The following COL4A3 variants were observed in gnomAD, a reference collection of about 807,000 sequenced individuals.
COL4A3 encodes collagen type IV alpha 3 chain, also known as collagen alpha-3(IV) chain.
COL4A3 carries 135 observed loss-of-function variants against 217.4 expected under a neutral mutation model. The observed-to-expected ratio is 0.62, with a 90% CI of 0.54 to 0.72. The LOEUF (loss-of-function observed/expected upper bound fraction) is 0.72. Ranked by LOEUF, COL4A3 falls within the 30% of genes least tolerant of loss-of-function variation. The pLI, the probability that COL4A3 is intolerant of heterozygous loss-of-function variation, is 0.00. For missense variants in COL4A3, 1,868 were observed against 2,119.9 expected, an observed-to-expected ratio of 0.88 and a Z score of 2.33; for synonymous variants, 690 against 736.3, an observed-to-expected ratio of 0.94 and a Z score of 1.02.
chr2:227,210,608 C>T (rs2067280098), intron 1 of COL4A3, among the ~76,000 whole-genome samples: 1 of 151,778 alleles, frequency 6.6e-6, no homozygotes, highest in Non-Finnish European at 1.5e-5. Flanking sequence ...AAAAAGAATG[C>T]AAAATAAACA....
chr2:227,225,977 G>C (rs1193492868), intron 1 of COL4A3, among the ~76,000 whole-genome samples: 1 of 152,080 alleles, frequency 6.6e-6, no homozygotes. Context: ...TTCCCAAAGT[G>C]CTGGGATTAC....
At position 227,298,519 on chromosome 2, in the gene COL4A3, A is replaced by G. The variant is rs553310268; in HGVS notation, c.3752-163A>G. The stretch of plus-strand genomic sequence containing the variant: ...GGGTGCCAGGTGCTTCGCTGGCATC[A>G]TCTTCTCCTGTCTTTACCACAATCC... On this transcript the variant is annotated intron_variant, in intron 42 of 51. Coordinates refer to ENST00000396578, the MANE Select transcript of COL4A3 (RefSeq NM_000091.5). 7.2e-5 allele frequency among the ~76,000 whole-genome samples: 11 copies of G among 152,314 alleles called. 1 individual carries two copies. Among genetic ancestry groups the G allele is most frequent in the Admixed American group, 5.9e-4 (9 of 15,300 alleles).
chr2:227,244,755 T>C (rs1186552454), intron 4 of COL4A3, 196 bp from the exon 5 acceptor site: 3 of 760,810 alleles, frequency 3.9e-6, no homozygotes, highest in Non-Finnish European at 7.0e-6. Context: ...ATGATATCTT[T>C]TTAAGAGTTA....
chr2:227,172,696 C>T (rs1247223025), intron 1 of COL4A3, among the ~76,000 whole-genome samples: 3 of 150,254 alleles, frequency 2.0e-5, no homozygotes, highest in Admixed American at 1.3e-4. Flanking sequence ...AAGCAATTCT[C>T]CTGCCTCACC....
At chr2:227,298,619 CTG>C in intron 42 of COL4A3, 61 bp from the exon 43 acceptor site, 1 of 1,606,780 alleles carries the variant, frequency 6.2e-7, no homozygotes, top group African/African-American at 1.3e-5. Context: ...GAAACAATCA[CTG>C]ATAAATAGAA....
At chr2:227,212,918 G>A (rs1430548980) in intron 1 of COL4A3, among the ~76,000 whole-genome samples, 1 of 152,168 alleles carries the variant, frequency 6.6e-6, no homozygotes, top group Non-Finnish European at 1.5e-5. Flanking sequence ...TGTCTTTCTT[G>A]ACTAATTGGA....
chr2:227,243,811 T>C (rs2069163064), intron 3 of COL4A3, among the ~76,000 whole-genome samples: 1 of 152,226 alleles, frequency 6.6e-6, no homozygotes. Context: ...CTTGGCTATA[T>C]ATTTCCTTGT....
Position 227,202,862 on chromosome 2 carries a change from CAT to C in COL4A3, c.88-35101_88-35100del, listed in dbSNP as rs1184314882. On this transcript the variant is annotated intron_variant, in intron 1 of 51. Coordinates refer to ENST00000396578, the MANE Select transcript of COL4A3 (RefSeq NM_000091.5). ...GTATATATACATATGTGTATATATA[CAT>C]ATATGTGTATATATACATATGTGTA... Among the ~76,000 whole-genome samples, 8 of 17,220 alleles carry C rather than the reference CAT, an allele frequency of 4.6e-4. 3 individuals are homozygous for C. Among genetic ancestry groups the C allele is most frequent in the African/African-American group, 7.0e-4 (2 of 2,864 alleles). The allele number at this position is 17,220 out of a possible 152,430, so 11.3% of individuals were successfully genotyped here.
intron 34 of COL4A3, among the ~76,000 whole-genome samples, chr2:227,286,573 A>G (rs2072340399): frequency 6.6e-6 from 1 of 152,222 alleles, no homozygotes; most frequent in African/African-American, 2.4e-5. Flanking sequence ...GGAAATAGGG[A>G]GGTCAAGTTA....
At chr2:227,221,078 C>T (rs902869305) in intron 1 of COL4A3, 8 of 152,216 alleles carry the variant, frequency 5.3e-5, no homozygotes, top group African/African-American at 1.7e-4. Context: ...TTATTAAGAA[C>T]ATTTCAAAGT....
At chr2:227,249,990 A>G (rs1559865838) in intron 9 of COL4A3, among the ~76,000 whole-genome samples, 1 of 152,218 alleles carries the variant, frequency 6.6e-6, no homozygotes, top group Non-Finnish European at 1.5e-5. Context: ...TCTAGGCTCT[A>G]GGAATACAGT....
chr2:227,227,464 G>T (rs1168661513), intron 1 of COL4A3, among the ~76,000 whole-genome samples: 2 of 151,988 alleles, frequency 1.3e-5, no homozygotes, highest in Non-Finnish European at 2.9e-5. Flanking sequence ...GGAGGCAGAG[G>T]TTGCAGTCAG....
At chr2:227,279,597 A>G (rs1340813462) in intron 28 of COL4A3, 196 bp from the exon 29 acceptor site, 1 of 569,362 alleles carries the variant, frequency 1.8e-6, no homozygotes, top group Non-Finnish European at 3.1e-6. Context: ...CAAAATAGAG[A>G]AAGTTATTTT....
rs750487612 is a variant in COL4A3, at chr2:227,240,181, C to A, written c.183C>A (p.Gly61=). 2.5e-6 allele frequency: 4 copies of A among 1,611,864 alleles called. No homozygotes were observed. The highest frequency in any genetic ancestry group is 3.4e-6 in the Non-Finnish European group (4 of 1,179,208). ...TTCCTGGACCCCCCGGTTCTCCTGG[C>A]CAGAAAGGATTCACAGGTCCTGAAG... ...KGFPGPPGSP[G]QKGFTGPEGL... is the part of the protein sequence containing the mutation. The change falls in exon 3 of 52, where the codon GGC becomes GGA. Residue 61 remains glycine, a synonymous_variant. Transcript: ENST00000396578.
chr2:227,184,629 T>C (rs975557966), intron 1 of COL4A3, among the ~76,000 whole-genome samples: 16 of 152,192 alleles, frequency 1.1e-4, no homozygotes, highest in Non-Finnish European at 1.5e-4. Flanking sequence ...GGGATCACGT[T>C]TCCTTTTCCA....
chr2:227,246,407 A>G (rs760783949), intron 6 of COL4A3: 2 of 531,044 alleles, frequency 3.8e-6, no homozygotes, highest in Non-Finnish European at 6.7e-6. Context: ...CCATGAATGA[A>G]CTAATTACTC....
chr2:227,302,221 C>T (rs896666141), intron 43 of COL4A3, among the ~76,000 whole-genome samples: 3 of 152,142 alleles, frequency 2.0e-5, no homozygotes, highest in Admixed American at 6.5e-5. Flanking sequence ...CAAATACTCT[C>T]TCTTGACAAC....
At chr2:227,283,645 C>T in intron 32 of COL4A3, 122 bp from the exon 33 acceptor site, 1 of 823,402 alleles carries the variant, frequency 1.2e-6, no homozygotes, top group Non-Finnish European at 2.1e-6. Flanking sequence ...GTACTATGTA[C>T]AGAGGCCATT....
At chr2:227,262,575 T>A (rs2070654301) in intron 20 of COL4A3, among the ~76,000 whole-genome samples, 1 of 152,220 alleles carries the variant, frequency 6.6e-6, no homozygotes, top group African/African-American at 2.4e-5. Context: ...ACCAGTGTTT[T>A]ATAGTTTTTC....
Sources: allele counts gnomAD v4.1 joint callset (sites outside exome capture counted in the v4.1 genomes callset), GRCh38; gene constraint gnomAD v4.1.1; transcripts MANE v1.5; gene names NCBI Gene and HGNC (gene_info 2026-07-23, HGNC 2026-07-21).